Variants in REEP5 observed in about 807,000 individuals in gnomAD.
The protein encoded by REEP5 is receptor accessory protein 5.
A neutral mutation model predicts 22.4 loss-of-function variants in REEP5; 24 were observed. The ratio of observed to expected loss-of-function variants is 1.07; its 90% CI spans 0.78 to 1.51. The LOEUF (loss-of-function observed/expected upper bound fraction) is 1.51. Among genes scored for constraint, REEP5 ranks in the 40% most tolerant of loss-of-function variants. The probability of loss-of-function intolerance (pLI) is 0.00; values close to 1 mark genes in which losing one functional copy is unlikely to be tolerated. For synonymous variants in REEP5, 103 were observed against 88.6 expected (o/e 1.16, Z -0.92); for missense variants, 252 against 233.0 (o/e 1.08, Z -0.53).
At chr5:112,880,998 C>CCA (rs1768057544) in intron 4 of REEP5, among the ~76,000 whole-genome samples, 4 of 151,776 alleles carry the variant, frequency 2.6e-5, no homozygotes, top group Admixed American at 2.6e-4. Flanking sequence ...GCGTGGTGGC[C>CCA]CACACCTGTA....
At chr5:112,921,545 G>C (rs33570) in intron 1 of REEP5, 461,915 of 467,082 alleles carry the variant, frequency 0.99, 228,425 homozygotes, top group East Asian at 1. Context: ...CCAGGCACCC[G>C]CTTCCGCCCT....
intron 3 of REEP5, chr5:112,891,794 A>T (rs1352403158): frequency 1.2e-6 from 2 of 1,609,566 alleles, no homozygotes; most frequent in East Asian, 4.5e-5. Context: ...TCACAGGAGG[A>T]GGAAGAGGAC....
Position 112,877,941 on chromosome 5 carries a change from T to TATTA in REEP5, c.*841_*844dup, listed in dbSNP as rs1767946711. The TATTA allele has an allele frequency of 6.6e-6, 1 of 151,930 alleles. No homozygotes were observed. The highest frequency in any genetic ancestry group is 2.4e-5 in the African/African-American group (1 of 41,348). The allele number at this position is 151,930 out of a possible 1,614,324, so 9.4% of individuals were successfully genotyped here. A position where few individuals can be genotyped will look rare whatever the true frequency, so the allele number is the denominator to read the frequency against. ...GTAAAGTTTATAGCAGATAAGACAG[T>TATTA]ATTACTAGTTTTTCAGGGAATTGAG... On this transcript the variant is annotated 3_prime_UTR_variant, in exon 5 of 5. Transcript: ENST00000379638.
chr5:112,917,592 A>T (rs955785003), intron 2 of REEP5, among the ~76,000 whole-genome samples: 1 of 152,222 alleles, frequency 6.6e-6, no homozygotes, highest in Non-Finnish European at 1.5e-5. Context: ...CCATTTGTAC[A>T]AAGGAGCAAG....
At chr5:112,885,086 CGT>C (rs1433332869) in intron 4 of REEP5, 2 of 157,302 alleles carry the variant, frequency 1.3e-5, no homozygotes, top group African/African-American at 4.8e-5. Flanking sequence ...TCAGGCTGGC[CGT>C]CAGGGCCTCC....
At chr5:112,915,955 C>T (rs1769223701) in intron 2 of REEP5, among the ~76,000 whole-genome samples, 1 of 149,440 alleles carries the variant, frequency 6.7e-6, no homozygotes, top group Non-Finnish European at 1.5e-5. Context: ...ACTACAAATA[C>T]ACATCCTCCA....
At chr5:112,909,700 T>C (rs1252863170) in intron 2 of REEP5, among the ~76,000 whole-genome samples, 2 of 152,264 alleles carry the variant, frequency 1.3e-5, no homozygotes, top group East Asian at 3.9e-4. Context: ...CCATCCCTCA[T>C]CCAGTACACT....
intron 4 of REEP5, chr5:112,881,871 C>CGGAG (rs1448904591): frequency 1.3e-5 from 2 of 152,130 alleles, no homozygotes; most frequent in Admixed American, 1.3e-4. Flanking sequence ...CTCAGGTGAT[C>CGGAG]CTCCCATCTC....
intron 2 of REEP5, among the ~76,000 whole-genome samples, chr5:112,911,106 A>G (rs746052312): frequency 6.6e-6 from 1 of 152,224 alleles, no homozygotes; most frequent in African/African-American, 2.4e-5. Flanking sequence ...GCGCACAAAT[A>G]AAAGGTCTTC....
At chr5:112,885,742 G>T in intron 4 of REEP5, 1 of 282,998 alleles carries the variant, frequency 3.5e-6, no homozygotes. Context: ...AGCTATTAAT[G>T]AACTAATTAA....
At position 112,922,066 on chromosome 5, in the gene REEP5, C is replaced by T. The variant is rs777953850; in HGVS notation, c.118+7G>A. 1.3e-6 allele frequency: 2 copies of T among 1,587,186 alleles called. No individual in the cohort carries two copies. Among genetic ancestry groups the T allele is most frequent in the South Asian group, 2.3e-5 (2 of 88,300 alleles). On this transcript the variant is annotated splice_region_variant and intron_variant, in intron 1 of 4. Transcript: ENST00000379638. ...CCTACCAGCGGCGGCGACCCCCGGCCACCCACCAAGAGCGATGAAGCTCCT... is the reference window on the plus strand; with the variant it reads ...CCTACCAGCGGCGGCGACCCCCGGCTACCCACCAAGAGCGATGAAGCTCCT...
At chr5:112,906,952 G>T (rs1037615579) in intron 2 of REEP5, among the ~76,000 whole-genome samples, 2 of 152,148 alleles carry the variant, frequency 1.3e-5, no homozygotes, top group Non-Finnish European at 2.9e-5. Flanking sequence ...AGAAAAGTTG[G>T]ACGTAGAAGT....
chr5:112,877,981 CTGT>C lies in REEP5; in HGVS notation c.*802_*804del, dbSNP rs1767948361. On this transcript the variant is annotated 3_prime_UTR_variant, in exon 5 of 5. Transcript: ENST00000379638. ...AGGGAATTGAGAGTTACAGGTTACT[CTGT>C]GTGTGTGTGTGTGTGTGTGTGTGTG... 6.8e-6 allele frequency: 1 copy of C among 147,530 alleles called. No homozygotes were observed. Among genetic ancestry groups the C allele is most frequent in the Non-Finnish European group, 1.5e-5 (1 of 67,240 alleles). 9.1% of individuals were successfully genotyped at this position (147,530 alleles called of 1,614,324 possible). A position where few individuals can be genotyped will look rare whatever the true frequency, so the allele number is the denominator to read the frequency against.
chr5:112,892,693 T>A lies in REEP5; in HGVS notation c.352-5510A>T, dbSNP rs773573498. 3.1e-6 allele frequency: 5 copies of A among 1,614,040 alleles called. No individual in the cohort carries two copies. In the Admixed American group the frequency reaches 8.3e-5, roughly 27 times the overall value. Reference sequence around the variant, plus strand: ...ATTCTGGGAAGCTAATAGAGACATCTACTTGTCTTCAGATCAGACTGGCTC... The same window carrying A: ...ATTCTGGGAAGCTAATAGAGACATCAACTTGTCTTCAGATCAGACTGGCTC... On this transcript the variant is annotated intron_variant, in intron 3 of 4. Transcript: ENST00000379638.
chr5:112,886,261 T>C (rs1768240264), intron 4 of REEP5, among the ~76,000 whole-genome samples: 1 of 152,242 alleles, frequency 6.6e-6, no homozygotes, highest in Admixed American at 6.5e-5. Context: ...CCCCAAGTAT[T>C]GTCTTTTGGC....
intron 3 of REEP5, chr5:112,895,980 G>C (rs1768668078): frequency 6.6e-6 from 1 of 152,270 alleles, no homozygotes; most frequent in Admixed American, 6.5e-5. Context: ...ATTACAACAG[G>C]CCATTCTATT....
At chr5:112,909,612 C>G (rs1311988065) in intron 2 of REEP5, among the ~76,000 whole-genome samples, 1 of 152,100 alleles carries the variant, frequency 6.6e-6, no homozygotes, top group Non-Finnish European at 1.5e-5. Context: ...ATTTTTCAGG[C>G]CCACTCTGCA....
chr5:112,911,648 T>C (rs1769106547), intron 2 of REEP5, among the ~76,000 whole-genome samples: 1 of 152,234 alleles, frequency 6.6e-6, no homozygotes, highest in East Asian at 1.9e-4. Flanking sequence ...TACAACCTTT[T>C]TATATTTCTG....
chr5:112,877,504 C>T lies in REEP5; in HGVS notation c.*1282G>A, dbSNP rs1767933773. On this transcript the variant is annotated 3_prime_UTR_variant, in exon 5 of 5. Transcript: ENST00000379638. The stretch of plus-strand genomic sequence containing the variant: ...TTTTAACTTTACTGTTCTGTACTTA[C>T]TATGTAGTCATGTGCAGCTTATCAA... The T allele has an allele frequency of 1.3e-5, 2 of 152,120 alleles. No homozygotes were observed. The highest frequency in any genetic ancestry group is 4.8e-5 in the African/African-American group (2 of 41,432). 9.4% of individuals were successfully genotyped at this position (152,120 alleles called of 1,614,324 possible).
Sources: gnomAD v4.1 joint callset for allele counts (sites outside exome capture counted in the v4.1 genomes callset) on GRCh38, gnomAD v4.1.1 for gene constraint, MANE v1.5 for transcripts, NCBI Gene and HGNC (gene_info 2026-07-23, HGNC 2026-07-21) for gene names.